The following CCSER1 variants were observed in gnomAD, a reference collection of about 807,000 sequenced individuals.
CCSER1 encodes coiled-coil serine rich protein 1, also known as serine-rich coiled-coil domain-containing protein 1.
Under a neutral mutation model 82.0 loss-of-function variants are expected in CCSER1, and 41 were observed. That is an observed-to-expected ratio of 0.50 (90% CI 0.39 to 0.65). CCSER1 has a LOEUF of 0.65. Ranked by LOEUF, CCSER1 falls within the 30% of genes least tolerant of loss-of-function variation. The pLI is 0.00. For missense variants in CCSER1, 1,119 were observed against 1,064.2 expected, an observed-to-expected ratio of 1.05 and a Z score of -0.72; for synonymous variants, 414 against 383.9, an observed-to-expected ratio of 1.08 and a Z score of -0.92.
chr4:90,228,102 C>G (rs1262931067), intron 1 of CCSER1, among the ~76,000 whole-genome samples: 1 of 152,214 alleles, frequency 6.6e-6, no homozygotes, highest in African/African-American at 2.4e-5. Context: ...CGGGAAGCTC[C>G]AACTGGGTGG....
intron 5 of CCSER1, among the ~76,000 whole-genome samples, chr4:90,563,713 G>A (rs562193747): frequency 7.2e-5 from 11 of 152,022 alleles, no homozygotes; most frequent in African/African-American, 2.2e-4. Flanking sequence ...TTGATTCCAC[G>A]TCTGGCTGTT....
At chr4:90,910,335 A>C (rs1726145174) in intron 8 of CCSER1, among the ~76,000 whole-genome samples, 1 of 152,182 alleles carries the variant, frequency 6.6e-6, no homozygotes, top group Non-Finnish European at 1.5e-5. Context: ...AAACAAAACT[A>C]CATATCCTTT....
At chr4:90,196,783 A>G (rs1043417581) in intron 1 of CCSER1, among the ~76,000 whole-genome samples, 3 of 152,052 alleles carry the variant, frequency 2.0e-5, no homozygotes, top group South Asian at 2.1e-4. Context: ...TACAGAAATG[A>G]CAGTGAAATA....
intron 5 of CCSER1, among the ~76,000 whole-genome samples, chr4:90,595,693 TTAG>T (rs1209029226): frequency 1.3e-5 from 2 of 151,984 alleles, no homozygotes; most frequent in African/African-American, 4.8e-5. Context: ...CTTATATGCT[TTAG>T]TTTTTTAGTA....
chr4:90,309,583 T>C lies in CCSER1; in HGVS notation c.1299T>C (p.His433=), dbSNP rs760313437. 6.3e-7 allele frequency: 1 copy of C among 1,599,006 alleles called. No homozygotes were observed. The highest frequency in any genetic ancestry group is 1.3e-5 in the African/African-American group (1 of 74,234). ...ATCATATTTTTAACAAAACATCACA[T>C]GGATATGAAGCAAATCCTGCCAAAG... is the stretch of plus-strand genomic sequence containing the variant. ...GDHHIFNKTS[H]GYEANPAKVL... is the part of the protein sequence containing the mutation. The change falls in exon 2 of 11, where the codon CAT becomes CAC. Residue 433 remains histidine (H), a synonymous_variant. Transcript: ENST00000509176.
intron 3 of CCSER1, among the ~76,000 whole-genome samples, chr4:90,339,467 C>G (rs1740993977): frequency 6.6e-6 from 1 of 151,916 alleles, no homozygotes; most frequent in African/African-American, 2.4e-5. Flanking sequence ...CCCACTATGG[C>G]CTGCATTTCC....
intron 10 of CCSER1, among the ~76,000 whole-genome samples, chr4:91,187,104 T>C (rs1056613632): frequency 2.0e-5 from 3 of 152,214 alleles, no homozygotes; most frequent in Non-Finnish European, 4.4e-5. Flanking sequence ...CCCCTTGTGC[T>C]TCCCAGGTGA....
chr4:90,935,600 CAAT>C (rs1730829596), intron 9 of CCSER1, among the ~76,000 whole-genome samples: 2 of 152,056 alleles, frequency 1.3e-5, no homozygotes, highest in Admixed American at 1.3e-4. Flanking sequence ...AAAGTTTTCT[CAAT>C]AAAGGGAATG....
chr4:90,195,702 A>G (rs1202028603), intron 1 of CCSER1, among the ~76,000 whole-genome samples: 1 of 152,124 alleles, frequency 6.6e-6, no homozygotes, highest in Non-Finnish European at 1.5e-5. Flanking sequence ...TAGTGAACCT[A>G]AAACTGCTCT....
At chr4:91,554,727 C>G (rs949113736) in intron 10 of CCSER1, among the ~76,000 whole-genome samples, 21 of 151,144 alleles carry the variant, frequency 1.4e-4, no homozygotes, top group African/African-American at 4.8e-4. Context: ...ACAAAAGACC[C>G]AGAATAGCCA....
intron 6 of CCSER1, among the ~76,000 whole-genome samples, chr4:90,711,964 C>A (rs1170650879): frequency 1.3e-5 from 2 of 151,620 alleles, no homozygotes; most frequent in Non-Finnish European, 2.9e-5. Flanking sequence ...TGGTCATGGG[C>A]TTTTTTTGTA....
intron 6 of CCSER1, among the ~76,000 whole-genome samples, chr4:90,635,537 C>A (rs1725269015): frequency 6.6e-6 from 1 of 151,644 alleles, no homozygotes; most frequent in African/African-American, 2.4e-5. Flanking sequence ...TATCACAAAT[C>A]AAAATTTTCT....
intron 10 of CCSER1, among the ~76,000 whole-genome samples, chr4:91,369,479 T>C (rs982872318): frequency 6.6e-6 from 1 of 152,140 alleles, no homozygotes; most frequent in Non-Finnish European, 1.5e-5. Flanking sequence ...AGAATTATAG[T>C]TCCAGATTTT....
intron 10 of CCSER1, among the ~76,000 whole-genome samples, chr4:91,298,919 T>G (rs1469339852): frequency 6.6e-6 from 1 of 151,994 alleles, no homozygotes; most frequent in Non-Finnish European, 1.5e-5. Flanking sequence ...AGTGGTTCTC[T>G]AAGTGTGGTG....
In CCSER1 at chr4:90,518,764, C is replaced by A. The variant is rs367995852; in HGVS notation, c.1724+50410C>A. On this transcript the variant is annotated intron_variant, in intron 5 of 10. Transcript: ENST00000509176. ...AAAATCATCTATGCATTATTAATATCTTACTTATATTTTAATCTTATAAAG... is the reference window on the plus strand; with the variant it reads ...AAAATCATCTATGCATTATTAATATATTACTTATATTTTAATCTTATAAAG... 1.3e-4 allele frequency among the ~76,000 whole-genome samples: 20 copies of A among 151,818 alleles called. No homozygotes were observed. The South Asian group carries it at 2.9e-3, about 22-fold the overall frequency.
intron 1 of CCSER1, among the ~76,000 whole-genome samples, chr4:90,183,641 A>G (rs1402758141): frequency 6.6e-6 from 1 of 152,148 alleles, no homozygotes; most frequent in Non-Finnish European, 1.5e-5. Context: ...AAAGGTACTC[A>G]CTCAGCTATA....
At chr4:91,155,445 T>C (rs767559261) in intron 10 of CCSER1, among the ~76,000 whole-genome samples, 7 of 151,932 alleles carry the variant, frequency 4.6e-5, no homozygotes, top group Non-Finnish European at 8.8e-5. Flanking sequence ...GTGTTGAGTA[T>C]GTCTTTATTA....
intron 10 of CCSER1, among the ~76,000 whole-genome samples, chr4:91,434,426 A>T (rs1754521611): frequency 6.6e-6 from 1 of 152,184 alleles, no homozygotes; most frequent in South Asian, 2.1e-4. Flanking sequence ...TGTTTTTTTA[A>T]AAAACAGATA....
At chr4:90,630,626 T>C (rs1560845534) in intron 6 of CCSER1, among the ~76,000 whole-genome samples, 2 of 152,046 alleles carry the variant, frequency 1.3e-5, no homozygotes. Context: ...AGCAATAGTA[T>C]TATATGATTA....
Sources: allele counts gnomAD v4.1 joint callset (sites outside exome capture counted in the v4.1 genomes callset), GRCh38; gene constraint gnomAD v4.1.1; transcripts MANE v1.5; gene names NCBI Gene and HGNC (gene_info 2026-07-23, HGNC 2026-07-21).